RNPEPL1: variants seen among roughly 807,000 people sequenced by gnomAD.
The protein encoded by RNPEPL1 is aminopeptidase RNPEPL1.
A neutral mutation model predicts 69.0 loss-of-function variants in RNPEPL1; 46 were observed. The ratio of observed to expected loss-of-function variants is 0.67; its 90% CI spans 0.53 to 0.85. The LOEUF (loss-of-function observed/expected upper bound fraction) is 0.85, where lower values mean the gene tolerates loss of function less well. Among genes scored for constraint, RNPEPL1 ranks in the 40% least tolerant of loss-of-function variants. The pLI is 0.00. For missense variants in RNPEPL1, 869 were observed against 992.5 expected (o/e 0.88, Z 1.67); for synonymous variants, 525 against 454.1 (o/e 1.16, Z -1.98).
At position 240,575,551 on chromosome 2, in the gene RNPEPL1, T is replaced by C; in HGVS notation, c.1451T>C (p.Leu484Pro). 2 of 1,613,548 alleles carry C rather than the reference T, an allele frequency of 1.2e-6. No individual in the cohort carries two copies. The highest frequency in any genetic ancestry group is 2.2e-5 in the South Asian group (2 of 91,084). Residue 484 changes from leucine to proline, a missense_variant, in exon 8 of 11, where the codon CTG becomes CCG. Around this residue, in one of 2 missense-constraint regions of RNPEPL1, gnomAD observed 610 missense variants for 790.9 expected, o/e 0.77. Coordinates refer to ENST00000270357, the MANE Select transcript of RNPEPL1 (RefSeq NM_018226.6). The stretch of plus-strand genomic sequence containing the variant: ...ACCAGCGTGGTGGCCCAGGACCTGC[T>C]GGACTCCTTCCTGAGCTTCTTCCCG... ...KFTSVVAQDLLDSFLSFFPEL... is the reference protein window; with the variant it reads ...KFTSVVAQDLPDSFLSFFPEL...
At position 240,575,552 on chromosome 2, in the gene RNPEPL1, G is replaced by A. The variant is rs965586328; in HGVS notation, c.1452G>A (p.Leu484=). ...CCAGCGTGGTGGCCCAGGACCTGCT[G>A]GACTCCTTCCTGAGCTTCTTCCCGG... is the stretch of plus-strand genomic sequence containing the variant. The part of the protein sequence containing the change: ...KFTSVVAQDL[L]DSFLSFFPEL... Residue 484 remains leucine, a synonymous_variant, in exon 8 of 11, where the codon CTG becomes CTA. Coordinates refer to ENST00000270357, the MANE Select transcript of RNPEPL1 (RefSeq NM_018226.6). 1.9e-6 allele frequency: 3 copies of A among 1,613,438 alleles called. No individual in the cohort carries two copies. The highest frequency in any genetic ancestry group is 1.7e-5 in the Admixed American group (1 of 60,010).
Position 240,574,596 on chromosome 2 carries a change from C to T in RNPEPL1, c.1256C>T (p.Pro419Leu), listed in dbSNP as rs772953916. Residue 419 changes from proline (P) to leucine (L), a missense_variant, in exon 6 of 11, where the codon CCG becomes CTG. This residue lies in a region of RNPEPL1 where 610 missense variants were observed against 790.9 expected (regional missense o/e 0.77). Transcript: ENST00000270357. The stretch of plus-strand genomic sequence containing the variant: ...ATGAAGCTTCTGGGAGAGGACAGCC[C>T]GGTCAGCAAACTGCAGGTCAAGCTG... Reference protein sequence around the residue: ...RQMKLLGEDSPVSKLQVKLEP... With the variant: ...RQMKLLGEDSLVSKLQVKLEP... The T allele has an allele frequency of 3.7e-6, 6 of 1,612,912 alleles. No individual in the cohort carries two copies. Among genetic ancestry groups the T allele is most frequent in the African/African-American group, 1.3e-5 (1 of 75,042 alleles).
rs372492380 is a variant in RNPEPL1 at position 240,569,785 on chromosome 2, G to A, written c.528+671G>A. ...GGGGGTTCATACTGCATCCCTAGGT[G>A]GTATGGACGGCACACATGTGACACC... On this transcript the variant is annotated intron_variant, in intron 1 of 10. Transcript: ENST00000270357. Among the ~76,000 whole-genome samples the A allele has an allele frequency of 2.6e-5, 4 of 152,212 alleles. No homozygotes were observed. In the South Asian group the frequency reaches 6.2e-4, roughly 24 times the overall value.
rs1448239270 is a variant in RNPEPL1 at position 240,573,767 on chromosome 2, T to C, written c.822-8T>C. On this transcript the variant is annotated splice_polypyrimidine_tract_variant and splice_region_variant and intron_variant, in intron 3 of 10. Coordinates refer to ENST00000270357, the MANE Select transcript of RNPEPL1 (RefSeq NM_018226.6). Reference sequence around the variant, plus strand: ...TCGGCCTCAGCTCACCCTCTCTGCATGCACCAGGAGCCGCGTGTGGGCCGA... The same window carrying C: ...TCGGCCTCAGCTCACCCTCTCTGCACGCACCAGGAGCCGCGTGTGGGCCGA... 3 of 1,528,630 alleles carry C rather than the reference T, an allele frequency of 2.0e-6. No individual in the cohort carries two copies. Among genetic ancestry groups the C allele is most frequent in the Non-Finnish European group, 8.8e-7 (1 of 1,134,726 alleles). The allele number at this position is 1,528,630 out of a possible 1,614,324, so 94.7% of individuals were successfully genotyped here. A position where few individuals can be genotyped will look rare whatever the true frequency, so the allele number is the denominator to read the frequency against.
intron 1 of RNPEPL1, among the ~76,000 whole-genome samples, chr2:240,569,610 G>A (rs2093015438): frequency 6.6e-6 from 1 of 152,194 alleles, no homozygotes; most frequent in Admixed American, 6.5e-5. Flanking sequence ...CATAGGCTCT[G>A]CAGGGCTTGC....
At position 240,580,511 on chromosome 2, in the gene RNPEPL1, G is replaced by C. The variant is rs566751079; in HGVS notation, c.*2619G>C. 1 of 152,460 alleles carries C rather than the reference G, an allele frequency of 6.6e-6. No homozygotes were observed. The highest frequency in any genetic ancestry group is 2.1e-4 in the South Asian group (1 of 4,828). The allele number at this position is 152,460 out of a possible 1,614,324, so 9.4% of individuals were successfully genotyped here. The stretch of plus-strand genomic sequence containing the variant: ...TTTCTCATGCTGCAGGCCCACCTCA[G>C]GCTGGCAGGGGAAGGGGGGATTCTC... On this transcript the variant is annotated 3_prime_UTR_variant, in exon 11 of 11. Coordinates refer to ENST00000270357, the MANE Select transcript of RNPEPL1 (RefSeq NM_018226.6).
Position 240,576,632 on chromosome 2 carries a change from T to C in RNPEPL1, c.1608T>C (p.Leu536=), listed in dbSNP as rs2093038411. Residue 536 remains leucine (L), a synonymous_variant, in exon 9 of 11, where the codon CTT becomes CTC. Coordinates refer to ENST00000270357, the MANE Select transcript of RNPEPL1 (RefSeq NM_018226.6). ...GSSLTRPVEA[L]FQLWTAEPLD... is the part of the protein sequence containing the mutation. ...GCCTGACCCGGCCCGTGGAGGCCCTTTTCCAGCTGTGGACCGCAGAACCTC... is the reference window on the plus strand; with the variant it reads ...GCCTGACCCGGCCCGTGGAGGCCCTCTTCCAGCTGTGGACCGCAGAACCTC... The C allele has an allele frequency of 5.6e-6, 9 of 1,613,004 alleles. No individual in the cohort carries two copies. The highest frequency in any genetic ancestry group is 7.6e-6 in the Non-Finnish European group (9 of 1,179,990).
chr2:240,575,621 C>T lies in RNPEPL1; in HGVS notation c.1510+11C>T. 1.2e-6 allele frequency: 2 copies of T among 1,608,802 alleles called. No individual in the cohort carries two copies. The highest frequency in any genetic ancestry group is 2.2e-5 in the East Asian group (1 of 44,848). ...TGGACTGCCGGGCAGGTGAGGCTGA[C>T]CCCCAACCCTGCAGCCAGGGAGCCG... On this transcript the variant is annotated intron_variant, in intron 8 of 10. Transcript: ENST00000270357.
rs915538143 is a variant in RNPEPL1, at chr2:240,579,248, G to A, written c.*1356G>A. On this transcript the variant is annotated 3_prime_UTR_variant, in exon 11 of 11. Transcript: ENST00000270357. ...ACTCCACACATGGCAGCCAGGAAGT[G>A]GGGAGGGCAGGAGGTGCTGGGCAAA... 1 of 152,350 alleles carries A rather than the reference G, an allele frequency of 6.6e-6. No homozygotes were observed. The highest frequency in any genetic ancestry group is 2.4e-5 in the African/African-American group (1 of 41,552). 9.4% of individuals were successfully genotyped at this position (152,350 alleles called of 1,614,324 possible).
rs1221616922 is a variant in RNPEPL1, at chr2:240,569,134, C to T, written c.528+20C>T. On this transcript the variant is annotated intron_variant, in intron 1 of 10. Coordinates refer to ENST00000270357, the MANE Select transcript of RNPEPL1 (RefSeq NM_018226.6). The stretch of plus-strand genomic sequence containing the variant: ...CCCGCCGTGAGTCCGGGGCGGGCGC[C>T]GGGGCTGCGGGCCGGTCCGCAGGGC... 2.7e-6 allele frequency: 4 copies of T among 1,456,904 alleles called. No homozygotes were observed. The highest frequency in any genetic ancestry group is 1.3e-5 in the South Asian group (1 of 75,178). The allele number at this position is 1,456,904 out of a possible 1,614,324, so 90.2% of individuals were successfully genotyped here. A position where few individuals can be genotyped will look rare whatever the true frequency, so the allele number is the denominator to read the frequency against.
chr2:240,575,704 A>C, intron 8 of RNPEPL1, 94 bp downstream of exon 8: 1 of 925,810 alleles, frequency 1.1e-6, no homozygotes, highest in Non-Finnish European at 1.7e-6. Context: ...CCTGGAGGAA[A>C]GCCCTGTCAG....
Position 240,579,874 on chromosome 2 carries a change from G to C in RNPEPL1, c.*1982G>C, listed in dbSNP as rs1301822553. On this transcript the variant is annotated 3_prime_UTR_variant, in exon 11 of 11. Transcript: ENST00000270357. ...TTCTTTCTTTTGCAATTCAGCTCTC[G>C]AAATGACTCTGTGGTCTGCGGGTGA... 6.6e-6 allele frequency: 1 copy of C among 152,198 alleles called. No homozygotes were observed. The highest frequency in any genetic ancestry group is 1.5e-5 in the Non-Finnish European group (1 of 68,054). The allele number at this position is 152,198 out of a possible 1,614,324, so 9.4% of individuals were successfully genotyped here.
intron 6 of RNPEPL1, 78 bp downstream of exon 6, chr2:240,574,706 C>T (rs893176728): frequency 2.8e-5 from 34 of 1,218,522 alleles, no homozygotes; most frequent in Non-Finnish European, 4.0e-5. Flanking sequence ...TTCGTGTGTT[C>T]TGGCTGTGGC....
chr2:240,573,736 G>A, intron 3 of RNPEPL1, 39 bp from the exon 4 acceptor site: 1 of 1,475,856 alleles, frequency 6.8e-7, no homozygotes, highest in Non-Finnish European at 9.1e-7. Flanking sequence ...GCGGGGCTGG[G>A]GCTGCTCGGC....
Position 240,577,127 on chromosome 2 carries a change from C to T in RNPEPL1, c.1884+137C>T, listed in dbSNP as rs576812243. The T allele has an allele frequency of 1.7e-5, 19 of 1,116,116 alleles. No homozygotes were observed. The South Asian group carries it at 2.7e-4, about 16-fold the overall frequency. The allele number at this position is 1,116,116 out of a possible 1,614,324, so 69.1% of individuals were successfully genotyped here. ...AATGGGGCGGGGAAGACGTAGGGGTCTGTTGGGAGTGGGGGCATGCACCGG... is the reference window on the plus strand; with the variant it reads ...AATGGGGCGGGGAAGACGTAGGGGTTTGTTGGGAGTGGGGGCATGCACCGG... On this transcript the variant is annotated intron_variant, in intron 10 of 10. Transcript: ENST00000270357.
In RNPEPL1 at chr2:240,573,833, G is replaced by A. The variant is rs145584956; in HGVS notation, c.880G>A (p.Ala294Thr). ...LPTATSKLSGAVEQWLSAAER... is the reference protein window; with the variant it reads ...LPTATSKLSGTVEQWLSAAER... ...CACGGCCACCAGCAAGCTGTCGGGC[G>A]CAGTGGAGCAGTGGCTGAGTGCAGC... The change falls in exon 4 of 11, where the codon GCA becomes ACA. Residue 294 changes from alanine to threonine, a missense_variant. Physicochemically the swap from Ala to Thr is moderately conservative, Grantham distance 58. Coordinates refer to ENST00000270357, the MANE Select transcript of RNPEPL1 (RefSeq NM_018226.6). 5.7e-5 allele frequency: 88 copies of A among 1,555,030 alleles called. 1 individual carries two copies. The highest frequency in any genetic ancestry group is 9.5e-5 in the African/African-American group (7 of 73,384).
Position 240,574,588 on chromosome 2 carries a change from G to A in RNPEPL1, c.1248G>A (p.Glu416=), listed in dbSNP as rs267599286. The part of the protein sequence containing the change: ...ALHRQMKLLG[E]DSPVSKLQVK... ...ACCGGCAGATGAAGCTTCTGGGAGA[G>A]GACAGCCCGGTCAGCAAACTGCAGG... The change falls in exon 6 of 11, where the codon GAG becomes GAA. Residue 416 remains glutamate, a synonymous_variant. Coordinates refer to ENST00000270357, the MANE Select transcript of RNPEPL1 (RefSeq NM_018226.6). The A allele has an allele frequency of 2.5e-6, 4 of 1,612,854 alleles. No homozygotes were observed. Among genetic ancestry groups the A allele is most frequent in the South Asian group, 1.1e-5 (1 of 91,018 alleles).
intron 1 of RNPEPL1, among the ~76,000 whole-genome samples, chr2:240,571,701 G>C (rs899067116): frequency 6.6e-6 from 1 of 151,696 alleles, no homozygotes; most frequent in African/African-American, 2.4e-5. Context: ...TTTGCCGGGG[G>C]GGTGACCTTA....
intron 10 of RNPEPL1, 115 bp downstream of exon 10, chr2:240,577,105 G>C: frequency 3.6e-6 from 5 of 1,371,056 alleles, no homozygotes; most frequent in Non-Finnish European, 5.0e-6. Flanking sequence ...TCTGGAGAAT[G>C]GGGCGGGGAA....
Sources: gnomAD v4.1 joint callset for allele counts (sites outside exome capture counted in the v4.1 genomes callset) on GRCh38, gnomAD v4.1.1 for gene constraint, gnomAD v4.1.1 regional missense constraint, MANE v1.5 for transcripts, NCBI Gene and HGNC (gene_info 2026-07-23, HGNC 2026-07-21) for gene names.